Variants in AGBL4 observed in about 807,000 individuals in gnomAD.
AGBL4 encodes the protein cytosolic carboxypeptidase 6.
Under a neutral mutation model 66.4 loss-of-function variants are expected in AGBL4, and 58 were observed. The observed-to-expected ratio is 0.87, with a 90% CI of 0.71 to 1.09. AGBL4 has a LOEUF of 1.09. Among genes scored for constraint, AGBL4 ranks in the 50% least tolerant of loss-of-function variants. AGBL4 has a pLI of 0.00. For synonymous variants in AGBL4, 234 were observed against 222.9 expected, an observed-to-expected ratio of 1.05 and a Z score of -0.44; for missense variants, 579 against 631.0, an observed-to-expected ratio of 0.92 and a Z score of 0.88.
rs148245120 is a variant in AGBL4, at chr1:49,901,051, C to T, written c.35-49533G>A. On this transcript the variant is annotated intron_variant, in intron 1 of 13. Coordinates refer to ENST00000371839, the MANE Select transcript of AGBL4 (RefSeq NM_032785.4). ...ATCTTTCTTTTAACACAGTTAAGCA[C>T]AGAGTCAAAGGACCCATGTTTGAAT... 1.0e-3 allele frequency among the ~76,000 whole-genome samples: 153 copies of T among 152,270 alleles called. No individual in the cohort carries two copies. In the Middle Eastern group the frequency reaches 0.014, roughly 14 times the overall value.
Position 49,008,124 on chromosome 1 carries a change from G to C in AGBL4, c.594+37460C>G, listed in dbSNP as rs538251868. Among the ~76,000 whole-genome samples, 7 of 152,090 alleles carry C rather than the reference G, an allele frequency of 4.6e-5. 1 individual carries two copies. The South Asian group carries it at 1.3e-3, about 27-fold the overall frequency. The stretch of plus-strand genomic sequence containing the variant: ...AAGACCCATCAGTGTGCTGTATTCA[G>C]GAAACCCATCTCACGTGCAGAGACA... On this transcript the variant is annotated intron_variant, in intron 5 of 13. Coordinates refer to ENST00000371839, the MANE Select transcript of AGBL4 (RefSeq NM_032785.4).
intron 6 of AGBL4, among the ~76,000 whole-genome samples, chr1:48,828,977 G>T (rs1422885310): frequency 6.6e-6 from 1 of 152,128 alleles, no homozygotes; most frequent in East Asian, 1.9e-4. Context: ...TTGCTATGAT[G>T]CCTTCCAAAA....
At chr1:49,570,410 G>A (rs1015465029) in intron 3 of AGBL4, among the ~76,000 whole-genome samples, 8 of 152,002 alleles carry the variant, frequency 5.3e-5, no homozygotes, top group Non-Finnish European at 1.0e-4. Flanking sequence ...TTAAAAATAT[G>A]TCCTTTGCCC....
Position 48,728,383 on chromosome 1 carries a change from TTC to T in AGBL4, c.635-65144_635-65143del, listed in dbSNP as rs1193425320. Among the ~76,000 whole-genome samples, 8 of 152,130 alleles carry T rather than the reference TTC, an allele frequency of 5.3e-5. No homozygotes were observed. The East Asian group carries it at 1.3e-3, about 26-fold the overall frequency. ...CTCCTGAACTTTTGCCTTTTTTTTT[TTC>T]TTTTAGTGTTAACACATGTATGTAT... On this transcript the variant is annotated intron_variant, in intron 6 of 13. Coordinates refer to ENST00000371839, the MANE Select transcript of AGBL4 (RefSeq NM_032785.4).
chr1:49,992,367 G>A (rs1477190844), intron 1 of AGBL4, among the ~76,000 whole-genome samples: 8 of 139,458 alleles, frequency 5.7e-5, no homozygotes, highest in Admixed American at 4.4e-4. Flanking sequence ...GTGAGACTCC[G>A]TCTCAAAAAA....
At chr1:49,133,482 A>G (rs775413725) in intron 4 of AGBL4, among the ~76,000 whole-genome samples, 1 of 152,222 alleles carries the variant, frequency 6.6e-6, no homozygotes, top group African/African-American at 2.4e-5. Flanking sequence ...TATCAAAAAC[A>G]TATGAAAAGT....
At chr1:49,101,434 T>C (rs1645200060) in intron 4 of AGBL4, among the ~76,000 whole-genome samples, 1 of 152,166 alleles carries the variant, frequency 6.6e-6, no homozygotes, top group African/African-American at 2.4e-5. Flanking sequence ...GTGATCCGCC[T>C]GATTGGCCTC....
intron 1 of AGBL4, among the ~76,000 whole-genome samples, chr1:50,001,342 T>C (rs905350330): frequency 2.0e-5 from 3 of 151,546 alleles, no homozygotes; most frequent in African/African-American, 4.8e-5. Flanking sequence ...AGTGACTTTA[T>C]GAAAGTAGAA....
intron 6 of AGBL4, among the ~76,000 whole-genome samples, chr1:48,683,693 C>T (rs1348100035): frequency 2.6e-5 from 4 of 152,150 alleles, no homozygotes; most frequent in East Asian, 3.8e-4. Context: ...AATTCTAGGT[C>T]GTCTGGCTCC....
chr1:48,959,443 T>C (rs1431971616), intron 5 of AGBL4, among the ~76,000 whole-genome samples: 1 of 152,188 alleles, frequency 6.6e-6, no homozygotes, highest in Non-Finnish European at 1.5e-5. Flanking sequence ...AGAAATATAG[T>C]AATGAATGTC....
At chr1:49,658,284 A>T (rs560304835) in intron 3 of AGBL4, among the ~76,000 whole-genome samples, 126 of 152,360 alleles carry the variant, frequency 8.3e-4, no homozygotes, top group African/African-American at 2.9e-3. Flanking sequence ...CCATCAGAGA[A>T]ATGCAAATCA....
intron 1 of AGBL4, among the ~76,000 whole-genome samples, chr1:49,861,502 G>A (rs77776874): frequency 2.6e-5 from 4 of 152,062 alleles, no homozygotes; most frequent in Non-Finnish European, 4.4e-5. Context: ...CTAGCACCCA[G>A]ATGACATTTC....
At chr1:48,596,651 C>T (rs565058522) in intron 9 of AGBL4, among the ~76,000 whole-genome samples, 153 of 152,112 alleles carry the variant, frequency 1.0e-3, no homozygotes, top group African/African-American at 3.6e-3. Context: ...TGCTATATTG[C>T]CCAGTATAGT....
chr1:49,073,071 T>A (rs1473939539), intron 4 of AGBL4, among the ~76,000 whole-genome samples: 1 of 152,248 alleles, frequency 6.6e-6, no homozygotes, highest in East Asian at 1.9e-4. Context: ...CACAAGGTTC[T>A]CGTGCTACGT....
At chr1:49,693,354 A>G (rs1298515375) in intron 3 of AGBL4, among the ~76,000 whole-genome samples, 1 of 152,190 alleles carries the variant, frequency 6.6e-6, no homozygotes, top group African/African-American at 2.4e-5. Context: ...ACTTATAACA[A>G]CAACAAATGG....
In AGBL4 at chr1:49,881,302, G is replaced by A. The variant is rs539141758; in HGVS notation, c.35-29784C>T. ...CCAGTCTATCATTGTTGGACATTTG[G>A]GTTGGTTCCAAGTCTTTGCTATTGT... On this transcript the variant is annotated intron_variant, in intron 1 of 13. Transcript: ENST00000371839. 2.0e-5 allele frequency among the ~76,000 whole-genome samples: 3 copies of A among 152,180 alleles called. No homozygotes were observed. In the South Asian group the frequency reaches 6.2e-4, roughly 32 times the overall value.
At chr1:48,524,250 C>T in the AGBL4 span, among the ~76,000 whole-genome samples, 1 of 152,154 alleles carries the variant, frequency 6.6e-6, no homozygotes, top group Non-Finnish European at 1.5e-5. Context: ...GGAGAACTAC[C>T]TCTCACTTCT....
At chr1:50,003,753 G>A (rs1412406748) in intron 1 of AGBL4, among the ~76,000 whole-genome samples, 4 of 152,114 alleles carry the variant, frequency 2.6e-5, no homozygotes, top group Non-Finnish European at 5.9e-5. Context: ...TATTTAACTG[G>A]AGCAAGGAAA....
chr1:49,755,885 T>C (rs972791683), intron 2 of AGBL4, among the ~76,000 whole-genome samples: 2 of 152,194 alleles, frequency 1.3e-5, no homozygotes, highest in African/African-American at 4.8e-5. Flanking sequence ...GTCACTCACC[T>C]CTTCAAATCC....
Sources: allele counts gnomAD v4.1 joint callset (sites outside exome capture counted in the v4.1 genomes callset), GRCh38; gene constraint gnomAD v4.1.1; transcripts MANE v1.5; gene names NCBI Gene and HGNC (gene_info 2026-07-23, HGNC 2026-07-21).